Variants in VWA8 observed in about 807,000 individuals in gnomAD.
The protein encoded by VWA8 is von Willebrand factor A domain-containing protein 8.
Under a neutral mutation model 241.5 loss-of-function variants are expected in VWA8, and 221 were observed. That is an observed-to-expected ratio of 0.91 (90% CI 0.82 to 1.02). The LOEUF (loss-of-function observed/expected upper bound fraction) is 1.02, where lower values mean the gene tolerates loss of function less well. Ranked by LOEUF, VWA8 falls within the 50% of genes least tolerant of loss-of-function variation. The pLI is 0.00. For synonymous variants in VWA8, 852 were observed against 827.1 expected (o/e 1.03, Z -0.52); for missense variants, 2,322 against 2,328.7 (o/e 1.00, Z 0.06).
intron 2 of VWA8, among the ~76,000 whole-genome samples, chr13:41,917,560 C>T (rs1188885310): frequency 6.6e-6 from 1 of 152,116 alleles, no homozygotes; most frequent in Non-Finnish European, 1.5e-5. Context: ...GCACCATGCC[C>T]AGTCCCTCAG....
At chr13:41,853,384 G>A (rs1254185712) in intron 12 of VWA8, among the ~76,000 whole-genome samples, 1 of 151,972 alleles carries the variant, frequency 6.6e-6, no homozygotes, top group Non-Finnish European at 1.5e-5. Context: ...GGTAATAATG[G>A]TTTCACAAAA....
chr13:41,854,445 T>A (rs1196037960), intron 12 of VWA8, among the ~76,000 whole-genome samples: 2 of 139,950 alleles, frequency 1.4e-5, no homozygotes, highest in African/African-American at 2.7e-5. Context: ...TTAAAAATAT[T>A]TCAAAATATT....
chr13:41,581,663 A>G (rs940746734), intron 42 of VWA8, among the ~76,000 whole-genome samples: 4 of 151,664 alleles, frequency 2.6e-5, no homozygotes, highest in Non-Finnish European at 5.9e-5. Context: ...GATATGGTTT[A>G]TATGCCTTCA....
chr13:41,886,840 T>C lies in VWA8; in HGVS notation c.817-10A>G. On this transcript the variant is annotated splice_polypyrimidine_tract_variant and intron_variant, in intron 6 of 44. Transcript: ENST00000379310. ...ACAACTTAAGTTGGTCCTAAAGTAA[T>C]ACAGAAACATATTAAATTAATTAAC... is the stretch of plus-strand genomic sequence containing the variant. 1 of 1,558,910 alleles carries C rather than the reference T, an allele frequency of 6.4e-7. No homozygotes were observed. The highest frequency in any genetic ancestry group is 8.7e-7 in the Non-Finnish European group (1 of 1,149,820).
chr13:41,577,602 G>C (rs1322041674), intron 42 of VWA8, among the ~76,000 whole-genome samples: 1 of 152,188 alleles, frequency 6.6e-6, no homozygotes. Context: ...CGACTGATTT[G>C]ACAACGGTCA....
chr13:41,783,461 A>G (rs1868986842), intron 19 of VWA8, among the ~76,000 whole-genome samples: 1 of 151,752 alleles, frequency 6.6e-6, no homozygotes, highest in Non-Finnish European at 1.5e-5. Context: ...AATATGGTGA[A>G]ACCCTGTCTC....
chr13:41,751,125 T>C (rs917169499), intron 21 of VWA8, among the ~76,000 whole-genome samples: 8 of 149,134 alleles, frequency 5.4e-5, no homozygotes, highest in African/African-American at 1.7e-4. Context: ...GTAGCTGCTA[T>C]GCAAATGTTA....
chr13:41,654,081 A>G (rs1273378269), intron 37 of VWA8, among the ~76,000 whole-genome samples: 2 of 152,204 alleles, frequency 1.3e-5, no homozygotes, highest in Non-Finnish European at 1.5e-5. Context: ...ACACAAAGGG[A>G]GAAGAGAACA....
Position 41,961,045 on chromosome 13 carries a change from G to C in VWA8, c.-30C>G. ...CCGGGGGGGCTGTCGGGGACGGCGAGGGGGCTCGGGGATCGAGCGGCGTCC... is the reference window on the plus strand; with the variant it reads ...CCGGGGGGGCTGTCGGGGACGGCGACGGGGCTCGGGGATCGAGCGGCGTCC... On this transcript the variant is annotated 5_prime_UTR_variant, in exon 1 of 45. Coordinates refer to ENST00000379310, the MANE Select transcript of VWA8 (RefSeq NM_015058.2). 2.2e-6 allele frequency: 3 copies of C among 1,355,644 alleles called. No individual in the cohort carries two copies. The highest frequency in any genetic ancestry group is 2.8e-6 in the Non-Finnish European group (3 of 1,060,470). The allele number at this position is 1,355,644 out of a possible 1,614,324, so 84.0% of individuals were successfully genotyped here.
At chr13:41,949,615 AAAGTAT>A (rs1878029873) in intron 2 of VWA8, among the ~76,000 whole-genome samples, 1 of 152,080 alleles carries the variant, frequency 6.6e-6, no homozygotes, top group Non-Finnish European at 1.5e-5. Flanking sequence ...CCCAGGGCTT[AAAGTAT>A]AATTAAAAAA....
rs146345545 is a variant in VWA8 at position 41,664,624 on chromosome 13, A to G, written c.4611+6322T>C. On this transcript the variant is annotated intron_variant, in intron 37 of 44. Transcript: ENST00000379310. ...CCAGCTGCCTAGAAGCATAGGATAG[A>G]GGAGAAAATCTGGATGTCTCAACGG... Among the ~76,000 whole-genome samples the G allele has an allele frequency of 3.4e-4, 52 of 152,196 alleles. No individual in the cohort carries two copies. The East Asian group carries it at 9.5e-3, about 28-fold the overall frequency.
At chr13:41,717,883 T>C (rs1379724594) in intron 26 of VWA8, among the ~76,000 whole-genome samples, 1 of 152,072 alleles carries the variant, frequency 6.6e-6, no homozygotes, top group Non-Finnish European at 1.5e-5. Flanking sequence ...CCCCTTGTAA[T>C]GCAAGAGTGT....
At chr13:41,680,699 A>T (rs1332872832) in intron 35 of VWA8, among the ~76,000 whole-genome samples, 4 of 152,154 alleles carry the variant, frequency 2.6e-5, no homozygotes, top group African/African-American at 9.7e-5. Flanking sequence ...ATGGACCAGG[A>T]TCCCCTTTAT....
chr13:41,854,516 CTATT>C (rs2138034337), intron 12 of VWA8, among the ~76,000 whole-genome samples: 1 of 148,354 alleles, frequency 6.7e-6, no homozygotes, highest in Admixed American at 6.7e-5. Flanking sequence ...ATATATTTTC[CTATT>C]TATTATATTC....
intron 4 of VWA8, among the ~76,000 whole-genome samples, chr13:41,896,689 A>C (rs1165863794): frequency 6.6e-6 from 1 of 152,188 alleles, no homozygotes; most frequent in African/African-American, 2.4e-5. Flanking sequence ...GTTATTAGAG[A>C]GCTAAAGGTA....
Position 41,691,738 on chromosome 13 carries a change from G to A in VWA8, c.3740+136C>T, listed in dbSNP as rs371061125. ...TATCTGTTTCTCAATATTCTGCAAT[G>A]TGGGCAAGTTACTTTATATTAAAAC... is the stretch of plus-strand genomic sequence containing the variant. On this transcript the variant is annotated intron_variant, in intron 31 of 44. Transcript: ENST00000379310. The A allele has an allele frequency of 1.8e-5, 14 of 762,994 alleles. No homozygotes were observed. In the East Asian group the frequency reaches 3.7e-4, roughly 20 times the overall value. The allele number at this position is 762,994 out of a possible 1,614,324, so 47.3% of individuals were successfully genotyped here.
chr13:41,669,609 T>C (rs941962770), intron 37 of VWA8, among the ~76,000 whole-genome samples: 3 of 152,218 alleles, frequency 2.0e-5, no homozygotes, highest in Non-Finnish European at 4.4e-5. Context: ...CTTTGTAAAG[T>C]TCTATCGTGA....
At chr13:41,839,338 G>T (rs1174026953) in intron 12 of VWA8, among the ~76,000 whole-genome samples, 1 of 151,892 alleles carries the variant, frequency 6.6e-6, no homozygotes, top group Non-Finnish European at 1.5e-5. Flanking sequence ...ACTGTTTGAT[G>T]GGGTTTTTTC....
At position 41,608,621 on chromosome 13, in the gene VWA8, A is replaced by C. The variant is rs142024192; in HGVS notation, c.4877+2955T>G. On this transcript the variant is annotated intron_variant, in intron 39 of 44. Transcript: ENST00000379310. ...CTATAATTTTGAATCAATTATAAGG[A>C]AAACAAACATAAGCTTAGATCCACT... 8.3e-4 allele frequency among the ~76,000 whole-genome samples: 127 copies of C among 152,354 alleles called. 1 individual carries two copies. The highest frequency in any genetic ancestry group is 2.8e-3 in the African/African-American group (117 of 41,580).
Sources: allele counts gnomAD v4.1 joint callset (sites outside exome capture counted in the v4.1 genomes callset), GRCh38; gene constraint gnomAD v4.1.1; transcripts MANE v1.5; gene names NCBI Gene and HGNC (gene_info 2026-07-23, HGNC 2026-07-21).